KLHL29: variants seen among roughly 807,000 people sequenced by gnomAD.
KLHL29 encodes the protein kelch like family member 29.
In KLHL29, 21 loss-of-function variants were observed where a neutral mutation model predicts 80.4. The observed-to-expected ratio is 0.26, with a 90% CI of 0.19 to 0.38. The LOEUF is 0.38. Ranked by LOEUF, KLHL29 falls within the 10% of genes least tolerant of loss-of-function variation. KLHL29 has a pLI of 1.00. For missense variants in KLHL29, 867 were observed against 1,223.9 expected, an observed-to-expected ratio of 0.71 and a Z score of 4.35; for synonymous variants, 511 against 526.8, an observed-to-expected ratio of 0.97 and a Z score of 0.41.
chr2:23,510,539 G>A (rs565796173), intron 2 of KLHL29, among the ~76,000 whole-genome samples: 3 of 152,340 alleles, frequency 2.0e-5, no homozygotes, highest in South Asian at 4.1e-4. Context: ...GACAAGCAGA[G>A]CTGCCCCCTT....
chr2:23,634,322 C>T (rs1017122315), intron 3 of KLHL29, among the ~76,000 whole-genome samples: 4 of 152,168 alleles, frequency 2.6e-5, no homozygotes, highest in Admixed American at 6.5e-5. Context: ...ATGTGCACCC[C>T]GGAAGTGGAC....
intron 2 of KLHL29, among the ~76,000 whole-genome samples, chr2:23,530,542 G>A (rs1308249228): frequency 6.6e-6 from 1 of 152,154 alleles, no homozygotes; most frequent in African/African-American, 2.4e-5. Flanking sequence ...GGTACTTAAC[G>A]AAAGTGAATT....
intron 3 of KLHL29, among the ~76,000 whole-genome samples, chr2:23,576,750 C>T (rs965489079): frequency 3.9e-5 from 6 of 152,182 alleles, no homozygotes; most frequent in African/African-American, 7.2e-5. Context: ...ATGGACTGTG[C>T]GTTTTTCCTC....
chr2:23,505,382 C>T (rs1484590481), intron 2 of KLHL29, among the ~76,000 whole-genome samples: 2 of 152,202 alleles, frequency 1.3e-5, no homozygotes, highest in East Asian at 3.9e-4. Context: ...CCCTGATGGA[C>T]ACTTTGCTCA....
At chr2:23,701,726 A>G (rs1035672250) in intron 11 of KLHL29, among the ~76,000 whole-genome samples, 2 of 151,644 alleles carry the variant, frequency 1.3e-5, no homozygotes, top group African/African-American at 4.9e-5. Context: ...CAAACAAACA[A>G]ACCTTCACCC....
Position 23,503,571 on chromosome 2 carries a change from G to A in KLHL29, c.-46+27904G>A, listed in dbSNP as rs908150696. ...TAGGGTCCCTGCCGCTACACACCAC[G>A]AGCCCACCGAGACTGCTGCAGCCTC... On this transcript the variant is annotated intron_variant, in intron 2 of 13. Coordinates refer to ENST00000486442, the MANE Select transcript of KLHL29 (RefSeq NM_052920.2). This position sits in a 1 kb window ranked among gnomAD's most constrained non-coding sequence, Gnocchi z 4.0. 1.3e-5 allele frequency among the ~76,000 whole-genome samples: 2 copies of A among 151,700 alleles called. No individual in the cohort carries two copies. Among genetic ancestry groups the A allele is most frequent in the African/African-American group, 2.4e-5 (1 of 41,232 alleles).
At chr2:23,600,818 G>A (rs1289115808) in intron 3 of KLHL29, among the ~76,000 whole-genome samples, 2 of 152,166 alleles carry the variant, frequency 1.3e-5, no homozygotes, top group Non-Finnish European at 2.9e-5. Flanking sequence ...CTCTGATCAG[G>A]TACTGGCTGC....
At chr2:23,508,566 G>A (rs1665673577) in intron 2 of KLHL29, among the ~76,000 whole-genome samples, 4 of 152,262 alleles carry the variant, frequency 2.6e-5, no homozygotes, top group Admixed American at 2.6e-4. Context: ...TTCAAGAGGA[G>A]AGAATTAGGC....
chr2:23,686,752 T>C (rs1428662755), intron 6 of KLHL29, among the ~76,000 whole-genome samples: 1 of 151,906 alleles, frequency 6.6e-6, no homozygotes, highest in Admixed American at 6.6e-5. Context: ...GCCAGGTGCA[T>C]GGAACTGAAC....
At chr2:23,435,996 C>T (rs1048269939) in intron 1 of KLHL29, among the ~76,000 whole-genome samples, 2 of 150,424 alleles carry the variant, frequency 1.3e-5, no homozygotes, top group South Asian at 2.1e-4. Context: ...CTAGAGCTTT[C>T]GAGACCCTCA....
chr2:23,499,312 G>C (rs1258898944), intron 2 of KLHL29, among the ~76,000 whole-genome samples: 1 of 152,128 alleles, frequency 6.6e-6, no homozygotes, highest in African/African-American at 2.4e-5. Flanking sequence ...CTTCTTTGGG[G>C]TGACTGGAGA....
rs138160258 is a variant in KLHL29 at position 23,455,793 on chromosome 2, A to G, written c.-153-19767A>G. 3.5e-3 allele frequency among the ~76,000 whole-genome samples: 537 copies of G among 152,128 alleles called. 1 individual carries two copies. The highest frequency in any genetic ancestry group is 0.012 in the African/African-American group (517 of 41,510). ...CATGTGGTTCATTTGTTAGTCAGCC[A>G]CAGTTAGGCACTGAATTGTGTCTCC... On this transcript the variant is annotated intron_variant, in intron 1 of 13. Coordinates refer to ENST00000486442, the MANE Select transcript of KLHL29 (RefSeq NM_052920.2).
chr2:23,436,280 T>TTTTGTGTG, intron 1 of KLHL29, among the ~76,000 whole-genome samples: 1 of 136,946 alleles, frequency 7.3e-6, no homozygotes, highest in Non-Finnish European at 1.6e-5. Flanking sequence ...CCAATCAGCT[T>TTTTGTGTG]TGTGTGTGTG....
chr2:23,437,542 T>A (rs1663377825), intron 1 of KLHL29, among the ~76,000 whole-genome samples: 1 of 152,248 alleles, frequency 6.6e-6, no homozygotes, highest in Non-Finnish European at 1.5e-5. Flanking sequence ...ATACTTAGGC[T>A]AAATTCGAAG....
intron 1 of KLHL29, among the ~76,000 whole-genome samples, chr2:23,475,113 G>T (rs1382508062): frequency 6.6e-6 from 1 of 152,044 alleles, no homozygotes; most frequent in African/African-American, 2.4e-5. Context: ...TAATTCTAGA[G>T]TTTGTGTCCT....
intron 5 of KLHL29, among the ~76,000 whole-genome samples, chr2:23,663,677 C>T (rs890856698): frequency 6.6e-6 from 1 of 152,208 alleles, no homozygotes; most frequent in African/African-American, 2.4e-5. Flanking sequence ...GTTGTGTTCT[C>T]AATGTGCTGA....
At chr2:23,613,710 G>A (rs1181247725) in intron 3 of KLHL29, among the ~76,000 whole-genome samples, 1 of 137,634 alleles carries the variant, frequency 7.3e-6, no homozygotes, top group Non-Finnish European at 1.5e-5. Context: ...GTTGCAGTGA[G>A]CCGAGATCGC....
intron 1 of KLHL29, among the ~76,000 whole-genome samples, chr2:23,427,912 T>C (rs1165397562): frequency 6.6e-6 from 1 of 152,190 alleles, no homozygotes; most frequent in African/African-American, 2.4e-5. Context: ...CCTGTGCTCA[T>C]GGAGGCTCCT....
intron 2 of KLHL29, among the ~76,000 whole-genome samples, chr2:23,552,190 G>T (rs1011846527): frequency 7.2e-5 from 11 of 152,172 alleles, no homozygotes; most frequent in Admixed American, 5.2e-4. Flanking sequence ...CTGAAACTTC[G>T]TGTCTTGAGA....
Sources: gnomAD v4.1 joint callset for allele counts (sites outside exome capture counted in the v4.1 genomes callset) on GRCh38, gnomAD v4.1.1 for gene constraint, Gnocchi (gnomAD v3.1) non-coding constraint, MANE v1.5 for transcripts, NCBI Gene and HGNC (gene_info 2026-07-23, HGNC 2026-07-21) for gene names.